Variants in G6PC2 observed in about 807,000 individuals in gnomAD.
The protein encoded by G6PC2 is glucose-6-phosphatase catalytic subunit 2, also known as glucose-6-phosphatase 2.
G6PC2 carries 41 observed loss-of-function variants against 35.4 expected under a neutral mutation model. The ratio of observed to expected loss-of-function variants is 1.16; its 90% confidence interval spans 0.90 to 1.50. G6PC2 has a LOEUF of 1.50. Ranked by LOEUF, G6PC2 falls within the 40% of genes most tolerant of loss-of-function variation. G6PC2 has a pLI of 0.00. For synonymous variants in G6PC2, 165 were observed against 153.2 expected, an observed-to-expected ratio of 1.08 and a Z score of -0.57; for missense variants, 441 against 426.5, an observed-to-expected ratio of 1.03 and a Z score of -0.30.
At position 168,908,128 on chromosome 2, in the gene G6PC2, C is replaced by G. The variant is rs1690763682; in HGVS notation, c.*49C>G. On this transcript the variant is annotated 3_prime_UTR_variant, in exon 5 of 5. Transcript: ENST00000375363. ...TGTGTCACAGATCACCCTTCTCCAT[C>G]CACCAGTAGAGCCACAGAGTAGGCA... is the stretch of plus-strand genomic sequence containing the variant. The G allele has an allele frequency of 1.3e-6, 2 of 1,488,048 alleles. No individual in the cohort carries two copies. The highest frequency in any genetic ancestry group is 2.8e-5 in the African/African-American group (2 of 72,312). The allele number at this position is 1,488,048 out of a possible 1,614,324, so 92.2% of individuals were successfully genotyped here. A position where few individuals can be genotyped will look rare whatever the true frequency, so the allele number is the denominator to read the frequency against.
In G6PC2 at chr2:168,901,301, G is replaced by A; in HGVS notation, c.-31G>A. 1 of 1,227,372 alleles carries A rather than the reference G, an allele frequency of 8.1e-7. No individual in the cohort carries two copies. The highest frequency in any genetic ancestry group is 1.2e-5 in the South Asian group (1 of 83,514). The allele number at this position is 1,227,372 out of a possible 1,614,324, so 76.0% of individuals were successfully genotyped here. A position where few individuals can be genotyped will look rare whatever the true frequency, so the allele number is the denominator to read the frequency against. On this transcript the variant is annotated 5_prime_UTR_variant, in exon 1 of 5. Coordinates refer to ENST00000375363, the MANE Select transcript of G6PC2 (RefSeq NM_021176.3). The stretch of plus-strand genomic sequence containing the variant: ...GAATCAGAGCACTTCAGCTCCAATT[G>A]CTCTATGTTTAGAATTGCCTCTTTT...
At position 168,902,481 on chromosome 2, in the gene G6PC2, A is replaced by G; in HGVS notation, c.255A>G (p.Gln85=). 4 of 1,573,848 alleles carry G rather than the reference A, an allele frequency of 2.5e-6. No individual in the cohort carries two copies. Among genetic ancestry groups the G allele is most frequent in the Non-Finnish European group, 3.5e-6 (4 of 1,143,222 alleles). Reference sequence around the variant, plus strand: ...GTCATCGACCTTACTGGTGGGTCCAAGAAACTCAGATTTACCCAAATCACT... The same window carrying G: ...GTCATCGACCTTACTGGTGGGTCCAGGAAACTCAGATTTACCCAAATCACT... ...LFGHRPYWWV[Q]ETQIYPNHSS... The change falls in exon 2 of 5, where the codon CAA becomes CAG. Residue 85 remains glutamine (Q), a synonymous_variant. Transcript: ENST00000375363.
At chr2:168,906,518 CA>C (rs1276946251) in intron 3 of G6PC2, 145 bp from the exon 4 acceptor site, 1 of 668,788 alleles carries the variant, frequency 1.5e-6, no homozygotes, top group Non-Finnish European at 2.7e-6. Context: ...GTGGAAACAA[CA>C]TTTTGAAAAA....
chr2:168,907,809 C>A lies in G6PC2; in HGVS notation c.798C>A (p.Leu266=). ...GACTCGTGAGAAACCTTGGGGTCCTCTTTGGCTTGGGCTTTGCAATCAACT... is the reference window on the plus strand; with the variant it reads ...GACTCGTGAGAAACCTTGGGGTCCTATTTGGCTTGGGCTTTGCAATCAACT... ...FAGLVRNLGV[L]FGLGFAINSE... Residue 266 remains leucine, a synonymous_variant, in exon 5 of 5, where the codon CTC becomes CTA. Coordinates refer to ENST00000375363, the MANE Select transcript of G6PC2 (RefSeq NM_021176.3). The A allele has an allele frequency of 6.2e-7, 1 of 1,614,136 alleles. No individual in the cohort carries two copies. Among genetic ancestry groups the A allele is most frequent in the South Asian group, 1.1e-5 (1 of 91,070 alleles).
In G6PC2 at chr2:168,908,611, G is replaced by T. The variant is rs1321153808; in HGVS notation, c.*532G>T. ...TGCCTGGAGTCACGCCACCTTCAGA[G>T]CAGGAATTAGAACCCAAGGCTTCTG... On this transcript the variant is annotated 3_prime_UTR_variant, in exon 5 of 5. Transcript: ENST00000375363. 2 of 190,898 alleles carry T rather than the reference G, an allele frequency of 1.0e-5. No homozygotes were observed. Among genetic ancestry groups the T allele is most frequent in the Non-Finnish European group, 2.2e-5 (2 of 91,048 alleles). The allele number at this position is 190,898 out of a possible 1,614,324, so 11.8% of individuals were successfully genotyped here. A position where few individuals can be genotyped will look rare whatever the true frequency, so the allele number is the denominator to read the frequency against.
rs1690762245 is a variant in G6PC2 at position 168,908,099 on chromosome 2, G to A, written c.*20G>A. ...CAGTAGAGTGGTGCCTAGAGTTAGTGCTCTGTGTCACAGATCACCCTTCTC... is the reference window on the plus strand; with the variant it reads ...CAGTAGAGTGGTGCCTAGAGTTAGTACTCTGTGTCACAGATCACCCTTCTC... On this transcript the variant is annotated 3_prime_UTR_variant, in exon 5 of 5. Transcript: ENST00000375363. 1 of 1,602,146 alleles carries A rather than the reference G, an allele frequency of 6.2e-7. No individual in the cohort carries two copies.
intron 3 of G6PC2, among the ~76,000 whole-genome samples, chr2:168,906,075 CA>C (rs11320926): frequency 0.38 from 45,475 of 120,998 alleles, 8,077 homozygotes; most frequent in African/African-American, 0.61. Flanking sequence ...TTCTGTGTCT[CA>C]AAAAAAAAAA....
Position 168,907,553 on chromosome 2 carries a change from C to G in G6PC2, c.557-15C>G, listed in dbSNP as rs754339473. ...GGGCACACAGTCATTGTCAGTGTCT[C>G]TTTCCAATCCTCAGGCATGCTGGTG... On this transcript the variant is annotated splice_polypyrimidine_tract_variant and intron_variant, in intron 4 of 4. Transcript: ENST00000375363. 1.2e-6 allele frequency: 2 copies of G among 1,613,500 alleles called. No individual in the cohort carries two copies. The highest frequency in any genetic ancestry group is 1.1e-5 in the South Asian group (1 of 91,052).
Position 168,904,503 on chromosome 2 carries a change from A to C in G6PC2, c.329-2A>C. 1.3e-6 allele frequency: 2 copies of C among 1,539,528 alleles called. No individual in the cohort carries two copies. Among genetic ancestry groups the C allele is most frequent in the Non-Finnish European group, 1.8e-6 (2 of 1,112,144 alleles). ...AAATGGACGGACACTTTGTTGTTGC[A>C]GGAAGTCCATCTGGCCATGCAATGG... is the stretch of plus-strand genomic sequence containing the variant. On this transcript the variant is annotated splice_acceptor_variant, in intron 2 of 4. Transcript: ENST00000375363. LOFTEE classifies it high-confidence loss of function.
chr2:168,904,457 C>G (rs1690664435), intron 2 of G6PC2, 48 bp from the exon 3 acceptor site: 1 of 935,240 alleles, frequency 1.1e-6, no homozygotes, highest in Non-Finnish European at 1.8e-6. Flanking sequence ...CATTTCTGAT[C>G]TTGATAGTTA....
rs1690748132 is a variant in G6PC2, at chr2:168,907,804, G to A, written c.793G>A (p.Val265Ile). 4 of 1,614,064 alleles carry A rather than the reference G, an allele frequency of 2.5e-6. No homozygotes were observed. In the African/African-American group the frequency reaches 4.0e-5, roughly 16 times the overall value. Residue 265 changes from valine (V) to isoleucine (I), a missense_variant, in exon 5 of 5, where the codon GTC becomes ATC. Transcript: ENST00000375363. ...PFAGLVRNLG[V>I]LFGLGFAINS... The stretch of plus-strand genomic sequence containing the variant: ...TGCTGGACTCGTGAGAAACCTTGGG[G>A]TCCTCTTTGGCTTGGGCTTTGCAAT...
In G6PC2 at chr2:168,907,755, GATCCACATTGACACC is replaced by G; in HGVS notation, c.746_760del (p.Ile249_Thr253del). 1.2e-6 allele frequency: 2 copies of G among 1,614,116 alleles called. No individual in the cohort carries two copies. Among genetic ancestry groups the G allele is most frequent in the Non-Finnish European group, 1.7e-6 (2 of 1,179,996 alleles). Reference sequence around the variant, plus strand: ...AAAAGTGGTGTGCTAACCCCGACTGGATCCACATTGACACCACGCCTTTTGCTGGACTCGTGAGAA... The same window carrying G: ...AAAAGTGGTGTGCTAACCCCGACTGGACGCCTTTTGCTGGACTCGTGAGAA... On this transcript the variant is annotated inframe_deletion, in exon 5 of 5. Coordinates refer to ENST00000375363, the MANE Select transcript of G6PC2 (RefSeq NM_021176.3).
chr2:168,907,798 C>G lies in G6PC2; in HGVS notation c.787C>G (p.Leu263Val), dbSNP rs770038801. 6 of 1,613,910 alleles carry G rather than the reference C, an allele frequency of 3.7e-6. No individual in the cohort carries two copies. In the African/African-American group the frequency reaches 8.0e-5, roughly 22 times the overall value. ...GCCTTTTGCTGGACTCGTGAGAAAC[C>G]TTGGGGTCCTCTTTGGCTTGGGCTT... ...TTPFAGLVRN[L>V]GVLFGLGFAI... The change falls in exon 5 of 5, where the codon CTT (leucine) becomes GTT (valine). Residue 263 changes from leucine to valine, a missense_variant. By Grantham distance (32) the Leu-to-Val change is conservative (BLOSUM62 1). Coordinates refer to ENST00000375363, the MANE Select transcript of G6PC2 (RefSeq NM_021176.3).
In G6PC2 at chr2:168,901,696, T is replaced by A. The variant is rs544000668; in HGVS notation, c.218+147T>A. On this transcript the variant is annotated intron_variant, in intron 1 of 4. Transcript: ENST00000375363. ...TAACTTGAAACACCAGATTCATAAG[T>A]AGAACTTTTAAAAGGCACAGAAATG... 2.9e-5 allele frequency: 19 copies of A among 644,654 alleles called. No individual in the cohort carries two copies. The East Asian group carries it at 4.9e-4, about 17-fold the overall frequency. The allele number at this position is 644,654 out of a possible 1,614,324, so 39.9% of individuals were successfully genotyped here.
intron 4 of G6PC2, among the ~76,000 whole-genome samples, chr2:168,907,180 G>T (rs1029832362): frequency 4.6e-5 from 7 of 152,174 alleles, no homozygotes; most frequent in Non-Finnish European, 8.8e-5. Context: ...ACTCCATTTA[G>T]TAGCTGCTTT....
chr2:168,901,802 T>C (rs954548531), intron 1 of G6PC2, among the ~76,000 whole-genome samples: 10 of 151,616 alleles, frequency 6.6e-5, no homozygotes, highest in Admixed American at 3.9e-4. Context: ...AATGGCGTGA[T>C]CTCGGCTCAC....
chr2:168,903,391 T>C (rs182975441), intron 2 of G6PC2, among the ~76,000 whole-genome samples: 2 of 152,342 alleles, frequency 1.3e-5, no homozygotes, highest in Admixed American at 6.5e-5. Context: ...ATCTGTTATA[T>C]CGCTTATTAC....
chr2:168,906,469 A>T (rs571795190), intron 3 of G6PC2, among the ~76,000 whole-genome samples, 195 bp from the exon 4 acceptor site: 1 of 152,346 alleles, frequency 6.6e-6, no homozygotes, highest in African/African-American at 2.4e-5. Context: ...TGAGAAATGT[A>T]GAAATCTCTG....
rs1574377963 is a variant in G6PC2, at chr2:168,907,841, T to A, written c.830T>A (p.Met277Lys). 1 of 1,614,056 alleles carries A rather than the reference T, an allele frequency of 6.2e-7. No homozygotes were observed. Residue 277 changes from methionine (M) to lysine (K), a missense_variant, in exon 5 of 5, where the codon ATG becomes AAG. Coordinates refer to ENST00000375363, the MANE Select transcript of G6PC2 (RefSeq NM_021176.3). ...TTGGGCTTTGCAATCAACTCAGAGA[T>A]GTTCCTCCTGAGCTGCCGAGGGGGA... ...FGLGFAINSE[M>K]FLLSCRGGNN...
Sources: allele counts gnomAD v4.1 joint callset (sites outside exome capture counted in the v4.1 genomes callset), GRCh38; gene constraint gnomAD v4.1.1; transcripts MANE v1.5; gene names NCBI Gene and HGNC (gene_info 2026-07-23, HGNC 2026-07-21).